The following KLHL29 variants were observed in gnomAD, a reference collection of about 807,000 sequenced individuals.
The protein encoded by KLHL29 is kelch like family member 29.
In KLHL29, 21 loss-of-function variants were observed where a neutral mutation model predicts 80.4. The ratio of observed to expected loss-of-function variants is 0.26; its 90% CI spans 0.19 to 0.38. The LOEUF (loss-of-function observed/expected upper bound fraction) is 0.38. KLHL29 is among the 10% of genes least tolerant of loss of function. The pLI is 1.00. For synonymous variants in KLHL29, 511 were observed against 526.8 expected, an observed-to-expected ratio of 0.97 and a Z score of 0.41; for missense variants, 867 against 1,223.9, an observed-to-expected ratio of 0.71 and a Z score of 4.35.
chr2:23,613,038 A>T (rs1468929777), intron 3 of KLHL29, among the ~76,000 whole-genome samples: 1 of 152,232 alleles, frequency 6.6e-6, no homozygotes, highest in Non-Finnish European at 1.5e-5. Flanking sequence ...AGGCCAAGGA[A>T]GAGAGTATAA....
chr2:23,442,132 A>G (rs943744345), intron 1 of KLHL29, among the ~76,000 whole-genome samples: 1 of 152,206 alleles, frequency 6.6e-6, no homozygotes, highest in Admixed American at 6.6e-5. Flanking sequence ...CTTGTAGGCT[A>G]GAATGCAGTG....
At position 23,696,576 on chromosome 2, in the gene KLHL29, ACT is replaced by A; in HGVS notation, c.2105+65_2105+66del. 7.6e-7 allele frequency: 1 copy of A among 1,312,162 alleles called. No individual in the cohort carries two copies. The highest frequency in any genetic ancestry group is 1.0e-6 in the Non-Finnish European group (1 of 963,806). The allele number at this position is 1,312,162 out of a possible 1,614,324, so 81.3% of individuals were successfully genotyped here. ...GCTCACCAAGAACTGAAATCACGTC[ACT>A]CACTGTACCTCCCAACACCCACTCA... On this transcript the variant is annotated intron_variant, in intron 11 of 13. Transcript: ENST00000486442. This position sits in a 1 kb window ranked among gnomAD's most constrained non-coding sequence, Gnocchi z 5.5.
intron 11 of KLHL29, among the ~76,000 whole-genome samples, chr2:23,701,793 C>CTTTTTTTTTTTTTTTTTT (rs70941586): frequency 4.4e-5 from 1 of 22,544 alleles, no homozygotes; most frequent in Admixed American, 7.3e-4. Flanking sequence ...CTTTTTTTTG[C>CTTTTTTTTTTTTTTTTTT]TTTTTTTTTT....
intron 2 of KLHL29, among the ~76,000 whole-genome samples, chr2:23,494,123 T>A (rs1337680477): frequency 6.6e-6 from 1 of 152,232 alleles, no homozygotes; most frequent in Non-Finnish European, 1.5e-5. Flanking sequence ...ACTAAATTGC[T>A]TAATTCCATT....
At chr2:23,597,922 C>T (rs542080686) in intron 3 of KLHL29, among the ~76,000 whole-genome samples, 1 of 152,196 alleles carries the variant, frequency 6.6e-6, no homozygotes, top group Non-Finnish European at 1.5e-5. Context: ...CTCACTCCTC[C>T]ATCTCAGTGG....
intron 3 of KLHL29, among the ~76,000 whole-genome samples, chr2:23,583,235 A>G (rs1668029984): frequency 6.6e-6 from 1 of 152,198 alleles, no homozygotes; most frequent in African/African-American, 2.4e-5. Flanking sequence ...CCGCAGCCCC[A>G]GAAAAATGAT....
At chr2:23,516,811 C>A (rs998908918) in intron 2 of KLHL29, among the ~76,000 whole-genome samples, 2 of 152,340 alleles carry the variant, frequency 1.3e-5, no homozygotes, top group Middle Eastern at 6.8e-3. Flanking sequence ...GTGAACAGAT[C>A]TCAGCTTACA....
chr2:23,664,829 GC>G (rs1670510027), intron 5 of KLHL29, among the ~76,000 whole-genome samples: 1 of 151,804 alleles, frequency 6.6e-6, no homozygotes, highest in Non-Finnish European at 1.5e-5. Flanking sequence ...AGGCTCCGGG[GC>G]CAATCACTCC....
chr2:23,507,214 C>A, intron 2 of KLHL29: 2 of 307,406 alleles, frequency 6.5e-6, no homozygotes, highest in South Asian at 2.5e-5. Context: ...CACCTGTAAG[C>A]ACCATCAACA....
chr2:23,687,599 C>T (rs549350269), intron 6 of KLHL29, among the ~76,000 whole-genome samples: 52 of 152,254 alleles, frequency 3.4e-4, no homozygotes, highest in African/African-American at 9.9e-4. Context: ...GGCAAGGAGA[C>T]GAGCAGAGAC....
intron 2 of KLHL29, among the ~76,000 whole-genome samples, chr2:23,510,262 G>A (rs758520612): frequency 3.3e-5 from 5 of 152,190 alleles, no homozygotes; most frequent in Admixed American, 1.3e-4. Context: ...CTGGAAGATG[G>A]GGGAGACTTA....
At chr2:23,442,681 T>G (rs181961146) in intron 1 of KLHL29, among the ~76,000 whole-genome samples, 1 of 152,306 alleles carries the variant, frequency 6.6e-6, no homozygotes, top group African/African-American at 2.4e-5. Flanking sequence ...TGTGTTGTTT[T>G]AAGCCACTGA....
At chr2:23,398,868 TTGA>T (rs56227367) in intron 1 of KLHL29, among the ~76,000 whole-genome samples, 36,564 of 152,066 alleles carry the variant, frequency 0.24, 4,608 homozygotes, top group South Asian at 0.31. Flanking sequence ...AGGGAGAAAT[TTGA>T]TGATGAGAAC....
chr2:23,637,879 T>C (rs1029103980), intron 3 of KLHL29, among the ~76,000 whole-genome samples: 5 of 152,058 alleles, frequency 3.3e-5, no homozygotes, highest in African/African-American at 1.2e-4. Context: ...TCCTGTGTGC[T>C]TCTGTGACTG....
intron 5 of KLHL29, among the ~76,000 whole-genome samples, chr2:23,656,501 G>A (rs935349368): frequency 7.9e-5 from 12 of 152,238 alleles, no homozygotes; most frequent in Admixed American, 3.9e-4. Context: ...ACCCATGTGC[G>A]TTCCTTCACC....
At chr2:23,604,391 G>A (rs925132760) in intron 3 of KLHL29, among the ~76,000 whole-genome samples, 13 of 152,278 alleles carry the variant, frequency 8.5e-5, no homozygotes, top group African/African-American at 2.2e-4. Flanking sequence ...CACTGCGCCC[G>A]GCCTGGAAGA....
chr2:23,540,800 C>T lies in KLHL29; in HGVS notation c.-45-21352C>T, dbSNP rs967379511. Among the ~76,000 whole-genome samples the T allele has an allele frequency of 5.9e-5, 9 of 152,338 alleles. 1 individual carries two copies. In the East Asian group the frequency reaches 7.7e-4, roughly 13 times the overall value. On this transcript the variant is annotated intron_variant, in intron 2 of 13. Transcript: ENST00000486442. ...CAGCTTCATGCTCTGTCCTACAGAC[C>T]GTCCCCTCCCCATGACCAGAGAGGA...
chr2:23,428,049 G>T (rs182366481), intron 1 of KLHL29, among the ~76,000 whole-genome samples: 1 of 152,326 alleles, frequency 6.6e-6, no homozygotes, highest in East Asian at 1.9e-4. Flanking sequence ...CTCATTTCTT[G>T]ATTGGTGTCG....
At chr2:23,405,339 G>C (rs1340251312) in intron 1 of KLHL29, among the ~76,000 whole-genome samples, 3 of 152,160 alleles carry the variant, frequency 2.0e-5, no homozygotes. Context: ...CCAGTTGTTA[G>C]TTTGTAAAAT....
Sources: allele counts gnomAD v4.1 joint callset (sites outside exome capture counted in the v4.1 genomes callset), GRCh38; gene constraint gnomAD v4.1.1; non-coding constraint Gnocchi (gnomAD v3.1); transcripts MANE v1.5; gene names NCBI Gene and HGNC (gene_info 2026-07-23, HGNC 2026-07-21).